KIAA2012: variants seen among roughly 807,000 people sequenced by gnomAD.
KIAA2012 encodes KIAA2012.
Under a neutral mutation model 150.6 loss-of-function variants are expected in KIAA2012, and 125 were observed. That is an observed-to-expected ratio of 0.83 (90% CI 0.72 to 0.96). The LOEUF is 0.96. Ranked by LOEUF, KIAA2012 falls within the 40% of genes least tolerant of loss-of-function variation. The pLI, the probability that KIAA2012 is intolerant of heterozygous loss-of-function variation, is 0.00. For synonymous variants in KIAA2012, 462 were observed against 504.7 expected (o/e 0.92, Z 1.13); for missense variants, 1,219 against 1,354.9 (o/e 0.90, Z 1.57).
chr2:202,197,425 G>A (rs1215136770), intron 22 of KIAA2012: 1 of 199,952 alleles, frequency 5.0e-6, no homozygotes, highest in African/African-American at 2.3e-5. Context: ...CACTGTTCTA[G>A]ACACTAGGAA....
intron 12 of KIAA2012, among the ~76,000 whole-genome samples, chr2:202,130,520 A>G (rs957882301): frequency 2.0e-5 from 3 of 152,210 alleles, no homozygotes; most frequent in African/African-American, 7.2e-5. Flanking sequence ...TTCTTCTGTC[A>G]GAGTGATCAA....
At chr2:202,128,633 C>T (rs1402052672) in intron 12 of KIAA2012, among the ~76,000 whole-genome samples, 5 of 151,934 alleles carry the variant, frequency 3.3e-5, no homozygotes, top group African/African-American at 1.2e-4. Flanking sequence ...TGGTAATATG[C>T]TGCTAACACA....
At chr2:202,171,374 C>G (rs1383934239) in intron 15 of KIAA2012, among the ~76,000 whole-genome samples, 2 of 152,130 alleles carry the variant, frequency 1.3e-5, no homozygotes, top group Non-Finnish European at 1.5e-5. Context: ...AGCAGGCGCG[C>G]TGGGAGCAGC....
intron 13 of KIAA2012, 40 bp from the exon 14 acceptor site, chr2:202,154,633 C>A: frequency 6.6e-7 from 1 of 1,508,528 alleles, no homozygotes; most frequent in Admixed American, 2.6e-5. Flanking sequence ...CACTGTATAT[C>A]ATTCATATGA....
In KIAA2012 at chr2:202,104,739, C is replaced by T. The variant is rs910739367; in HGVS notation, c.1325-1022C>T. ...TCTGGGTTGGTTGGGGTGCATATGA[C>T]AGGTATGTTCCCAGGTGAGTCATTT... On this transcript the variant is annotated intron_variant, in intron 8 of 23. Transcript: ENST00000498697. The surrounding 1 kb of genome is among the most constrained non-coding windows in gnomAD (Gnocchi z 4.3). Among the ~76,000 whole-genome samples, 19 of 152,176 alleles carry T rather than the reference C, an allele frequency of 1.2e-4. No homozygotes were observed. The highest frequency in any genetic ancestry group is 4.6e-4 in the African/African-American group (19 of 41,428).
intron 10 of KIAA2012, among the ~76,000 whole-genome samples, chr2:202,111,310 C>A (rs901685603): frequency 1.2e-4 from 13 of 108,910 alleles, no homozygotes; most frequent in African/African-American, 4.3e-4. Flanking sequence ...GCTTGTGCAA[C>A]AAGGTGAAAC....
chr2:202,169,026 G>C (rs1330661924), intron 15 of KIAA2012, among the ~76,000 whole-genome samples: 1 of 152,154 alleles, frequency 6.6e-6, no homozygotes, highest in Non-Finnish European at 1.5e-5. Flanking sequence ...AAACGAGATG[G>C]AAGGGTTATT....
chr2:202,155,303 A>G (rs1574295717), intron 14 of KIAA2012, among the ~76,000 whole-genome samples: 2 of 152,228 alleles, frequency 1.3e-5, no homozygotes, highest in Admixed American at 1.3e-4. Context: ...CTTCATTTCA[A>G]GTTAAGGGTT....
At chr2:202,082,676 T>A (rs574770027) in intron 2 of KIAA2012, among the ~76,000 whole-genome samples, 1 of 152,244 alleles carries the variant, frequency 6.6e-6, no homozygotes, top group East Asian at 1.9e-4. Flanking sequence ...TCTTTTGATA[T>A]CATATTCAAA....
At chr2:202,131,139 T>G (rs1690918219) in intron 12 of KIAA2012, among the ~76,000 whole-genome samples, 1 of 152,096 alleles carries the variant, frequency 6.6e-6, no homozygotes, top group Non-Finnish European at 1.5e-5. Flanking sequence ...TGAGTATGTT[T>G]TTTTGTTTGT....
intron 12 of KIAA2012, among the ~76,000 whole-genome samples, chr2:202,133,109 A>AAAAAAAAATATATATATAT (rs766606713): frequency 1.0e-4 from 9 of 87,850 alleles, no homozygotes; most frequent in South Asian, 4.1e-4. Context: ...TCTAAAAAAA[A>AAAAAAAAATATATATATAT]ATATATATAT....
chr2:202,074,906 AG>A lies in KIAA2012; in HGVS notation c.102del (p.Arg34SerfsTer38). On this transcript the variant is annotated frameshift_variant, in exon 2 of 24. Coordinates refer to ENST00000498697, the MANE Select transcript of KIAA2012 (RefSeq NM_001277372.4). LOFTEE classifies it high-confidence loss of function. The stretch of plus-strand genomic sequence containing the variant: ...CTCATTGCAGGATTACTTGAACTGG[AG>A]GTCCCCAGAAGACTATGTTCCTGTC... The part of the protein sequence containing the change: ...YFEPEDYLNW[R>X]SPEDYVPVSK... The A allele has an allele frequency of 6.5e-7, 1 of 1,546,874 alleles. No individual in the cohort carries two copies. The highest frequency in any genetic ancestry group is 8.7e-7 in the Non-Finnish European group (1 of 1,145,910).
chr2:202,144,987 A>G (rs1270101355), intron 13 of KIAA2012, among the ~76,000 whole-genome samples: 2 of 152,184 alleles, frequency 1.3e-5, no homozygotes, highest in South Asian at 2.1e-4. Flanking sequence ...GCCATTGGTC[A>G]TTATGATTTG....
At chr2:202,176,684 G>T (rs187200300) in intron 15 of KIAA2012, among the ~76,000 whole-genome samples, 39 of 152,186 alleles carry the variant, frequency 2.6e-4, no homozygotes, top group Admixed American at 6.5e-4. Flanking sequence ...AAGGAAAAAT[G>T]AGCAAATGAT....
intron 15 of KIAA2012, among the ~76,000 whole-genome samples, chr2:202,169,864 G>A (rs1236662786): frequency 1.3e-5 from 2 of 152,192 alleles, no homozygotes; most frequent in Non-Finnish European, 2.9e-5. Flanking sequence ...GTAGTTTAGG[G>A]AAGGGCGGAT....
Position 202,152,453 on chromosome 2 carries a change from C to T in KIAA2012, c.1909-2220C>T, listed in dbSNP as rs6744106. On this transcript the variant is annotated intron_variant, in intron 13 of 23. Transcript: ENST00000498697. The stretch of plus-strand genomic sequence containing the variant: ...TAAAGTAATTTCAGGCGTTGGAACT[C>T]GTCTTGACTATGCCTTTTGTTCTCC... Among the ~76,000 whole-genome samples the T allele has an allele frequency of 2.6e-5, 4 of 152,108 alleles. No homozygotes were observed. The East Asian group carries it at 5.8e-4, about 22-fold the overall frequency.
chr2:202,189,268 C>G (rs1297871259), intron 18 of KIAA2012, among the ~76,000 whole-genome samples: 4 of 152,008 alleles, frequency 2.6e-5, no homozygotes, highest in Non-Finnish European at 4.4e-5. Flanking sequence ...GGTCCTGCCC[C>G]CACCATAAGT....
At chr2:202,139,031 G>A (rs1186820850) in intron 13 of KIAA2012, among the ~76,000 whole-genome samples, 1 of 152,108 alleles carries the variant, frequency 6.6e-6, no homozygotes, top group African/African-American at 2.4e-5. Context: ...GAGGTCAGGA[G>A]TTCGAGACCA....
Position 202,196,841 on chromosome 2 carries a change from G to A in KIAA2012, c.3229G>A (p.Glu1077Lys). The A allele has an allele frequency of 6.5e-7, 1 of 1,549,978 alleles. No homozygotes were observed. Residue 1077 changes from glutamate to lysine, a missense_variant, in exon 22 of 24, where the codon GAA (glutamate) becomes AAA (lysine). Transcript: ENST00000498697. ...QRQEELEMQL[E>K]EEQKHLMEMA... ...GCAAGAGGAATTGGAAATGCAGTTA[G>A]AAGAAGAACAAAAACACCTGATGGA...
Sources: allele counts gnomAD v4.1 joint callset (sites outside exome capture counted in the v4.1 genomes callset), GRCh38; gene constraint gnomAD v4.1.1; non-coding constraint Gnocchi (gnomAD v3.1); transcripts MANE v1.5; gene names NCBI Gene and HGNC (gene_info 2026-07-23, HGNC 2026-07-21).